Variants in NOL4 observed in about 807,000 individuals in gnomAD.
The protein encoded by NOL4 is nucleolar protein 4.
In NOL4, 17 loss-of-function variants were observed where a neutral mutation model predicts 75.9. The observed-to-expected ratio is 0.22, with a 90% CI of 0.15 to 0.34. The LOEUF (loss-of-function observed/expected upper bound fraction) is 0.34, where lower values mean the gene tolerates loss of function less well. Ranked by LOEUF, NOL4 falls within the 10% of genes least tolerant of loss-of-function variation. The pLI is 1.00. For synonymous variants in NOL4, 292 were observed against 289.9 expected, an observed-to-expected ratio of 1.01 and a Z score of -0.07; for missense variants, 614 against 793.5, an observed-to-expected ratio of 0.77 and a Z score of 2.72.
chr18:33,966,926 C>T (rs142899004), intron 6 of NOL4, among the ~76,000 whole-genome samples: 261 of 152,230 alleles, frequency 1.7e-3, no homozygotes, highest in African/African-American at 5.7e-3. Context: ...ACAGAGTCAA[C>T]GCTATTCCTA....
At chr18:34,045,951 T>G (rs2076344878) in intron 5 of NOL4, among the ~76,000 whole-genome samples, 1 of 152,204 alleles carries the variant, frequency 6.6e-6, no homozygotes, top group Non-Finnish European at 1.5e-5. Flanking sequence ...ATGGGCAGTT[T>G]TAGAAACTCT....
chr18:34,157,074 T>G (rs1277101767), intron 1 of NOL4: 1 of 152,208 alleles, frequency 6.6e-6, no homozygotes, highest in African/African-American at 2.4e-5. Flanking sequence ...TTTGGCTTCT[T>G]CTCATTCTTC....
chr18:34,110,128 C>CAAAAAAAAA (rs57576599), intron 2 of NOL4, among the ~76,000 whole-genome samples: 2 of 47,808 alleles, frequency 4.2e-5, no homozygotes, highest in Non-Finnish European at 7.5e-5. Context: ...CGCCCTCCCA[C>CAAAAAAAAA]AAAAAAAAAA....
chr18:33,912,894 C>T (rs1481326436), intron 9 of NOL4, among the ~76,000 whole-genome samples: 1 of 152,046 alleles, frequency 6.6e-6, no homozygotes, highest in Non-Finnish European at 1.5e-5. Context: ...GTTTTCCCTG[C>T]TAACATGAAA....
chr18:34,090,513 T>C (rs960601143), intron 5 of NOL4, among the ~76,000 whole-genome samples: 8 of 151,774 alleles, frequency 5.3e-5, no homozygotes, highest in African/African-American at 1.9e-4. Context: ...GATAGAGATG[T>C]TATGGAAAGC....
chr18:33,874,305 C>T lies in NOL4; in HGVS notation c.1723+8939G>A, dbSNP rs116592963. Reference sequence around the variant, plus strand: ...AAAATTATCTGAGAAGCACAAGGTACCATGAAATTGTATTTCAAGAATTTA... The same window carrying T: ...AAAATTATCTGAGAAGCACAAGGTATCATGAAATTGTATTTCAAGAATTTA... On this transcript the variant is annotated intron_variant, in intron 10 of 10. Transcript: ENST00000261592. Among the ~76,000 whole-genome samples the T allele has an allele frequency of 4.6e-3, 703 of 151,900 alleles. 4 individuals carry two copies. Among genetic ancestry groups the T allele is most frequent in the African/African-American group, 0.016 (676 of 41,486 alleles).
chr18:33,855,755 G>A (rs929388511), intron 10 of NOL4, among the ~76,000 whole-genome samples: 1 of 151,878 alleles, frequency 6.6e-6, no homozygotes, highest in Non-Finnish European at 1.5e-5. Flanking sequence ...TGAGGTTTGA[G>A]GGATATTTAA....
At chr18:33,964,540 G>A (rs1449069348) in intron 6 of NOL4, among the ~76,000 whole-genome samples, 2 of 152,010 alleles carry the variant, frequency 1.3e-5, no homozygotes, top group Non-Finnish European at 2.9e-5. Context: ...TAGGAAGGAA[G>A]GAAGAGAAAG....
chr18:34,020,983 TG>T (rs1413246136), intron 5 of NOL4, among the ~76,000 whole-genome samples: 9 of 152,236 alleles, frequency 5.9e-5, no homozygotes, highest in African/African-American at 1.4e-4. Flanking sequence ...TTATCAAGTA[TG>T]TTTTTTTGAG....
At chr18:33,946,959 C>T (rs1350044684) in intron 8 of NOL4, among the ~76,000 whole-genome samples, 1 of 151,638 alleles carries the variant, frequency 6.6e-6, no homozygotes, top group Non-Finnish European at 1.5e-5. Context: ...TCTTTCCCTC[C>T]TGTGAGGCAA....
At chr18:33,922,659 A>G (rs1185379673) in intron 9 of NOL4, among the ~76,000 whole-genome samples, 2 of 152,152 alleles carry the variant, frequency 1.3e-5, no homozygotes, top group African/African-American at 4.8e-5. Flanking sequence ...TTCATATTAC[A>G]TATGGATTTA....
intron 9 of NOL4, among the ~76,000 whole-genome samples, chr18:33,884,730 G>A (rs775717625): frequency 2.6e-5 from 4 of 151,792 alleles, no homozygotes; most frequent in Non-Finnish European, 4.4e-5. Flanking sequence ...TTGAGTATGT[G>A]GTTAATGGAA....
chr18:34,110,091 T>C (rs1303065372), intron 2 of NOL4, among the ~76,000 whole-genome samples: 2 of 80,328 alleles, frequency 2.5e-5, no homozygotes, highest in African/African-American at 9.8e-5. Flanking sequence ...GAATTAACAA[T>C]AATCCTTCTC....
intron 1 of NOL4, among the ~76,000 whole-genome samples, chr18:34,131,448 C>G (rs570069578): frequency 3.9e-5 from 6 of 151,998 alleles, no homozygotes; most frequent in Admixed American, 2.6e-4. Context: ...CCTGACCTAT[C>G]CCCTATACCT....
At chr18:34,117,406 A>T (rs2079911854) in intron 2 of NOL4, among the ~76,000 whole-genome samples, 1 of 152,228 alleles carries the variant, frequency 6.6e-6, no homozygotes, top group African/African-American at 2.4e-5. Context: ...AAGAGCTGGG[A>T]TATTAACCTC....
chr18:34,086,616 A>G (rs1485283502), intron 5 of NOL4, among the ~76,000 whole-genome samples: 1 of 152,156 alleles, frequency 6.6e-6, no homozygotes, highest in Admixed American at 6.5e-5. Context: ...CTGCTGGTTT[A>G]TACACTTTAA....
chr18:34,132,751 A>G (rs2080713257), intron 1 of NOL4, among the ~76,000 whole-genome samples: 1 of 151,162 alleles, frequency 6.6e-6, no homozygotes, highest in Non-Finnish European at 1.5e-5. Context: ...AAAAAAAAAA[A>G]GTAAATAGAC....
intron 1 of NOL4, among the ~76,000 whole-genome samples, chr18:34,192,649 G>A (rs1163105219): frequency 1.3e-5 from 2 of 152,198 alleles, no homozygotes; most frequent in Non-Finnish European, 2.9e-5. Flanking sequence ...GGGACAACTT[G>A]ATATCCTCAT....
rs1273411917 is a variant in NOL4 at position 34,123,662 on chromosome 18, T to C, written c.414+6209A>G. ...AGAGAGATATACCTACATATGTATATATAGATATGTATCTATATATCTAAT... is the reference window on the plus strand; with the variant it reads ...AGAGAGATATACCTACATATGTATACATAGATATGTATCTATATATCTAAT... On this transcript the variant is annotated intron_variant, in intron 2 of 10. Transcript: ENST00000261592. 2.0e-5 allele frequency among the ~76,000 whole-genome samples: 3 copies of C among 148,174 alleles called. No individual in the cohort carries two copies. The East Asian group carries it at 5.9e-4, about 29-fold the overall frequency.
Sources: allele counts gnomAD v4.1 joint callset (sites outside exome capture counted in the v4.1 genomes callset), GRCh38; gene constraint gnomAD v4.1.1; transcripts MANE v1.5; gene names NCBI Gene and HGNC (gene_info 2026-07-23, HGNC 2026-07-21).